SP110: variants seen among roughly 807,000 people sequenced by gnomAD.
SP110 encodes interferon-induced protein 41, 30kD.
Under a neutral mutation model 92.7 loss-of-function variants are expected in SP110, and 62 were observed. The ratio of observed to expected loss-of-function variants is 0.67; its 90% CI spans 0.55 to 0.83. SP110 has a LOEUF of 0.83. Among genes scored for constraint, SP110 ranks in the 40% least tolerant of loss-of-function variants. The pLI, the probability that SP110 is intolerant of heterozygous loss-of-function variation, is 0.00. For missense variants in SP110, 793 were observed against 863.9 expected (o/e 0.92, Z 1.03); for synonymous variants, 273 against 305.3 (o/e 0.89, Z 1.10).
chr2:230,222,656 C>T (rs1432058404), upstream of SP110, among the ~76,000 whole-genome samples: 1 of 151,384 alleles, frequency 6.6e-6, no homozygotes, highest in Non-Finnish European at 1.5e-5. Flanking sequence ...CCCAGGAGGT[C>T]CAGTCTCTGG....
At position 230,216,734 on chromosome 2, in the gene SP110, A is replaced by G. The variant is rs371938767; in HGVS notation, c.147+47T>C. The G allele has an allele frequency of 3.1e-6, 5 of 1,609,148 alleles. No homozygotes were observed. The African/African-American group carries it at 6.7e-5, about 22-fold the overall frequency. The stretch of plus-strand genomic sequence containing the variant: ...TGGTTTGAGACTTTAATAATCAGGC[A>G]TATTGGTGGGGGCTGGGCTGCCATG... On this transcript the variant is annotated intron_variant, in intron 2 of 18. Transcript: ENST00000258381.
At chr2:230,201,181 G>A (rs2043151076) in intron 9 of SP110, among the ~76,000 whole-genome samples, 2 of 152,200 alleles carry the variant, frequency 1.3e-5, no homozygotes, top group Non-Finnish European at 2.9e-5. Context: ...GTTAGCAGTG[G>A]TTACTCTACC....
chr2:230,202,773 A>G, intron 8 of SP110, 45 bp from the exon 9 acceptor site: 1 of 1,598,986 alleles, frequency 6.3e-7, no homozygotes, highest in South Asian at 1.1e-5. Flanking sequence ...TGGGGTCTTC[A>G]GTGAGCCTCC....
intron 3 of SP110, chr2:230,214,104 T>C (rs893647359): frequency 6.6e-6 from 1 of 152,230 alleles, no homozygotes; most frequent in African/African-American, 2.4e-5. Flanking sequence ...GGCCACAGTG[T>C]TTTACTTCCA....
At chr2:230,194,893 T>C (rs1183189954) in intron 10 of SP110, among the ~76,000 whole-genome samples, 2 of 152,142 alleles carry the variant, frequency 1.3e-5, no homozygotes, top group African/African-American at 4.8e-5. Flanking sequence ...TCTTCCTTTG[T>C]TGGGGAGTCT....
In SP110 at chr2:230,165,501, A is replaced by G. The variant is rs979148385; in HGVS notation, c.*3623T>C. Among the ~76,000 whole-genome samples, 1 of 152,250 alleles carries G rather than the reference A, an allele frequency of 6.6e-6. No homozygotes were observed. The highest frequency in any genetic ancestry group is 2.4e-5 in the African/African-American group (1 of 41,468). ...TGAATTACTTTATATGACATAGGAC[A>G]TGACAAATAATTTACATAATGTGAA... On this transcript the variant is annotated 3_prime_UTR_variant, in exon 19 of 19. Transcript: ENST00000258381.
Position 230,211,692 on chromosome 2 carries a change from G to A in SP110, c.668-139C>T. The stretch of plus-strand genomic sequence containing the variant: ...AAGGCCTGGGAAAGGATGGCATAGA[G>A]TGGGAAAGTAAGCAACCATTCACTC... On this transcript the variant is annotated intron_variant, in intron 5 of 18. Coordinates refer to ENST00000258381, the MANE Select transcript of SP110 (RefSeq NM_080424.4). The surrounding 1 kb of genome is among the most constrained non-coding windows in gnomAD (Gnocchi z 4.2). 4.4e-6 allele frequency: 3 copies of A among 681,384 alleles called. No individual in the cohort carries two copies. The highest frequency in any genetic ancestry group is 8.0e-6 in the Non-Finnish European group (3 of 374,184). The allele number at this position is 681,384 out of a possible 1,614,324, so 42.2% of individuals were successfully genotyped here. A position where few individuals can be genotyped will look rare whatever the true frequency, so the allele number is the denominator to read the frequency against.
chr2:230,217,303 C>G lies in SP110; in HGVS notation c.-1-375G>C, dbSNP rs577208416. Among the ~76,000 whole-genome samples the G allele has an allele frequency of 7.3e-5, 11 of 151,356 alleles. No individual in the cohort carries two copies. In the South Asian group the frequency reaches 1.7e-3, roughly 23 times the overall value. On this transcript the variant is annotated intron_variant, in intron 1 of 18. Coordinates refer to ENST00000258381, the MANE Select transcript of SP110 (RefSeq NM_080424.4). Reference sequence around the variant, plus strand: ...CTTGAGGAATGTGGGAAGCTTCTCTCTGCATTAAATGGGCAGATCTAAAGG... The same window carrying G: ...CTTGAGGAATGTGGGAAGCTTCTCTGTGCATTAAATGGGCAGATCTAAAGG...
rs3943889 is a variant in SP110, at chr2:230,167,066, A to G, written c.*2058T>C. The G allele has an allele frequency of 0.75, 113,255 of 150,866 alleles. 43,000 individuals carry two copies. Among genetic ancestry groups the G allele is most frequent in the Middle Eastern group, 0.81 (236 of 292 alleles). 9.3% of individuals were successfully genotyped at this position (150,866 alleles called of 1,614,324 possible). On this transcript the variant is annotated 3_prime_UTR_variant, in exon 19 of 19. Coordinates refer to ENST00000258381, the MANE Select transcript of SP110 (RefSeq NM_080424.4). ...GTGCACCCAAGGAGCTGCACCCAAT[A>G]AACCATACCTGAGGAGCCTATTTCT...
At chr2:230,203,375 GA>G (rs113373650) in intron 8 of SP110, 19,585 of 156,604 alleles carry the variant, frequency 0.13, 1,399 homozygotes, top group South Asian at 0.27. Context: ...TGTTGAACAA[GA>G]ACGTTTCTCT....
At chr2:230,225,420 C>G in intron 1 of SP110, 1 of 313,630 alleles carries the variant, frequency 3.2e-6, no homozygotes, top group Non-Finnish European at 6.2e-6. Flanking sequence ...CATGGCCAGC[C>G]CTGGAGCCTG....
intron 1 of SP110, among the ~76,000 whole-genome samples, chr2:230,219,088 G>A (rs2045555726): frequency 6.6e-6 from 1 of 152,182 alleles, no homozygotes; most frequent in Non-Finnish European, 1.5e-5. Context: ...AGCTGGGCGT[G>A]GTGGTGCACA....
chr2:230,189,999 T>C (rs1043784638), intron 10 of SP110, among the ~76,000 whole-genome samples: 2 of 152,254 alleles, frequency 1.3e-5, no homozygotes, highest in African/African-American at 4.8e-5. Flanking sequence ...TGGTAAATAC[T>C]GCTGCGATAA....
chr2:230,206,182 GCT>G (rs2043777937), intron 8 of SP110, among the ~76,000 whole-genome samples: 1 of 152,076 alleles, frequency 6.6e-6, no homozygotes, highest in African/African-American at 2.4e-5. Flanking sequence ...GCCATCTATT[GCT>G]CTGTTTCCTT....
chr2:230,200,646 A>T, intron 10 of SP110: 1 of 557,866 alleles, frequency 1.8e-6, no homozygotes. Context: ...GTGCTGAGAA[A>T]AATCTTATAT....
intron 12 of SP110, among the ~76,000 whole-genome samples, chr2:230,180,307 AG>A (rs1191806019): frequency 6.6e-6 from 1 of 152,160 alleles, no homozygotes; most frequent in Non-Finnish European, 1.5e-5. Flanking sequence ...GACCAACTCC[AG>A]GAATTCCTAC....
chr2:230,196,471 T>A lies in SP110; in HGVS notation c.1129+4414A>T, dbSNP rs1013260834. 1.7e-4 allele frequency among the ~76,000 whole-genome samples: 26 copies of A among 152,186 alleles called. No individual in the cohort carries two copies. In the East Asian group the frequency reaches 4.6e-3, roughly 27 times the overall value. On this transcript the variant is annotated intron_variant, in intron 10 of 18. Coordinates refer to ENST00000258381, the MANE Select transcript of SP110 (RefSeq NM_080424.4). The stretch of plus-strand genomic sequence containing the variant: ...TATAAAAAGAAAAATGTATGCATAC[T>A]TATACAAAAATAAAGTGGGGGAAGC...
intron 1 of SP110, chr2:230,225,529 C>T: frequency 2.3e-6 from 1 of 428,324 alleles, no homozygotes; most frequent in Non-Finnish European, 4.4e-6. Context: ...CATGATGCCA[C>T]CTTACCTCAA....
chr2:230,182,819 C>T (rs1177494501), intron 12 of SP110, among the ~76,000 whole-genome samples: 5 of 152,292 alleles, frequency 3.3e-5, no homozygotes, highest in Admixed American at 2.0e-4. Flanking sequence ...CTCCAGCCTA[C>T]GATGCGACAG....
Sources: allele counts gnomAD v4.1 joint callset (sites outside exome capture counted in the v4.1 genomes callset), GRCh38; gene constraint gnomAD v4.1.1; non-coding constraint Gnocchi (gnomAD v3.1); transcripts MANE v1.5; gene names NCBI Gene and HGNC (gene_info 2026-07-23, HGNC 2026-07-21).